Variants in MALRD1 observed in about 807,000 individuals in gnomAD.
MALRD1 encodes the protein MAM and LDL-receptor class A domain-containing protein 1.
A neutral mutation model predicts 242.1 loss-of-function variants in MALRD1; 247 were observed. That is an observed-to-expected ratio of 1.02 (90% CI 0.92 to 1.13). The LOEUF is 1.13. Ranked by LOEUF, MALRD1 falls within the 50% of genes most tolerant of loss-of-function variation. The pLI is 0.00. For synonymous variants in MALRD1, 995 were observed against 866.6 expected (o/e 1.15, Z -2.60); for missense variants, 2,989 against 2,533.1 (o/e 1.18, Z -3.86).
intron 29 of MALRD1, among the ~76,000 whole-genome samples, chr10:19,477,424 T>G (rs1240725096): frequency 6.6e-6 from 1 of 152,034 alleles, no homozygotes; most frequent in Non-Finnish European, 1.5e-5. Context: ...TAGCTCTCAG[T>G]TGAGTGACTA....
chr10:19,630,446 A>G (rs1194265100), intron 36 of MALRD1, among the ~76,000 whole-genome samples: 6 of 152,146 alleles, frequency 3.9e-5, no homozygotes. Context: ...GGGGAATTCT[A>G]AGTTTGGAAT....
chr10:19,322,619 G>A (rs1842951406), intron 21 of MALRD1, among the ~76,000 whole-genome samples: 1 of 152,096 alleles, frequency 6.6e-6, no homozygotes, highest in African/African-American at 2.4e-5. Context: ...AAATGAGGAG[G>A]CCTGAGGCCA....
intron 26 of MALRD1, among the ~76,000 whole-genome samples, chr10:19,360,761 T>G (rs1844857092): frequency 6.6e-6 from 1 of 152,100 alleles, no homozygotes; most frequent in Admixed American, 6.6e-5. Flanking sequence ...TGCATCAATT[T>G]AAAAATGCAT....
intron 2 of MALRD1, among the ~76,000 whole-genome samples, chr10:19,067,315 G>A (rs1201194093): frequency 6.6e-6 from 1 of 152,110 alleles, no homozygotes; most frequent in Non-Finnish European, 1.5e-5. Context: ...TCTAGACTTT[G>A]AGGTAGCTCT....
Position 19,120,629 on chromosome 10 carries a change from A to C in MALRD1, c.695-2863A>C, listed in dbSNP as rs74768781. Among the ~76,000 whole-genome samples, 1,002 of 151,696 alleles carry C rather than the reference A, an allele frequency of 6.6e-3. 10 individuals are homozygous for C. The highest frequency in any genetic ancestry group is 0.023 in the African/African-American group (967 of 41,250). On this transcript the variant is annotated intron_variant, in intron 5 of 39. Coordinates refer to ENST00000454679, the MANE Select transcript of MALRD1 (RefSeq NM_001142308.3). ...ATGTAGTGGCTGCCAGGGTAGGGGG[A>C]GAAGAGAGAATGGTGAAGTGACTGA... is the stretch of plus-strand genomic sequence containing the variant.
intron 25 of MALRD1, among the ~76,000 whole-genome samples, chr10:19,349,395 A>G (rs970420140): frequency 5.3e-5 from 8 of 152,188 alleles, no homozygotes; most frequent in Admixed American, 2.0e-4. Context: ...TTGTCTTAAG[A>G]GTTTTTCTGT....
intron 18 of MALRD1, among the ~76,000 whole-genome samples, chr10:19,254,783 G>A (rs912922065): frequency 6.6e-6 from 1 of 151,120 alleles, no homozygotes; most frequent in Admixed American, 6.6e-5. Context: ...ATGTATCTGA[G>A]GATACATTAT....
At chr10:19,260,486 T>C (rs1023905059) in intron 19 of MALRD1, among the ~76,000 whole-genome samples, 16 of 152,184 alleles carry the variant, frequency 1.1e-4, no homozygotes, top group African/African-American at 3.6e-4. Flanking sequence ...TCTTACTGTG[T>C]CTGTTCATGT....
At chr10:19,202,367 T>C (rs1452558318) in intron 14 of MALRD1, among the ~76,000 whole-genome samples, 1 of 152,168 alleles carries the variant, frequency 6.6e-6, no homozygotes, top group Admixed American at 6.6e-5. Context: ...AGATATTTCA[T>C]AGAAAGTATA....
intron 19 of MALRD1, among the ~76,000 whole-genome samples, chr10:19,258,476 G>A (rs1247362132): frequency 1.3e-5 from 2 of 152,082 alleles, no homozygotes; most frequent in Non-Finnish European, 2.9e-5. Flanking sequence ...ACGACAAGAG[G>A]GAACATGATC....
At chr10:19,423,570 G>C (rs1833792858) in intron 28 of MALRD1, among the ~76,000 whole-genome samples, 1 of 152,000 alleles carries the variant, frequency 6.6e-6, no homozygotes, top group Non-Finnish European at 1.5e-5. Flanking sequence ...TGTAGTACAG[G>C]TGATGCTCTG....
chr10:19,547,818 A>ATATATATATATATATATAT, intron 32 of MALRD1, among the ~76,000 whole-genome samples: 1 of 16,916 alleles, frequency 5.9e-5, no homozygotes, highest in Non-Finnish European at 1.0e-4. Context: ...ATATATATAT[A>ATATATATATATATATATAT]TTTTTTTTTT....
chr10:19,077,105 G>A (rs549652605), intron 2 of MALRD1, among the ~76,000 whole-genome samples: 1 of 151,984 alleles, frequency 6.6e-6, no homozygotes, highest in East Asian at 1.9e-4. Context: ...TTCCTTGCCA[G>A]TGTATAGAAA....
At chr10:19,605,451 A>C (rs1391795979) in intron 34 of MALRD1, among the ~76,000 whole-genome samples, 3 of 148,732 alleles carry the variant, frequency 2.0e-5, no homozygotes, top group African/African-American at 7.4e-5. Context: ...TACAGGCGTG[A>C]GCCACTGCGC....
chr10:19,473,456 A>G (rs943246732), intron 29 of MALRD1, among the ~76,000 whole-genome samples: 1 of 151,996 alleles, frequency 6.6e-6, no homozygotes, highest in Admixed American at 6.5e-5. Context: ...GAAATTCTGT[A>G]CCTGTTGACA....
intron 35 of MALRD1, among the ~76,000 whole-genome samples, chr10:19,614,788 A>G (rs1839064503): frequency 6.6e-6 from 1 of 152,054 alleles, no homozygotes; most frequent in African/African-American, 2.4e-5. Flanking sequence ...CCAGGGACGA[A>G]CTTGAGTTAT....
chr10:19,255,384 G>A (rs11009153), intron 18 of MALRD1, among the ~76,000 whole-genome samples: 1 of 151,730 alleles, frequency 6.6e-6, no homozygotes, highest in Non-Finnish European at 1.5e-5. Flanking sequence ...AAATGAAAGT[G>A]ACATTTTCAT....
At chr10:19,657,782 A>G (rs1841233066) in intron 36 of MALRD1, among the ~76,000 whole-genome samples, 1 of 152,176 alleles carries the variant, frequency 6.6e-6, no homozygotes, top group Non-Finnish European at 1.5e-5. Context: ...TATTTCAAAA[A>G]TAAAGGAATG....
chr10:19,084,035 T>G (rs1162254099), intron 2 of MALRD1, among the ~76,000 whole-genome samples: 2 of 151,996 alleles, frequency 1.3e-5, no homozygotes, highest in African/African-American at 4.8e-5. Context: ...GCGACTCACA[T>G]AGCCCTTTGT....
Sources: gnomAD v4.1 joint callset for allele counts (sites outside exome capture counted in the v4.1 genomes callset) on GRCh38, gnomAD v4.1.1 for gene constraint, MANE v1.5 for transcripts, NCBI Gene and HGNC (gene_info 2026-07-23, HGNC 2026-07-21) for gene names.